Variants in FECH observed in about 807,000 individuals in gnomAD.
The protein encoded by FECH is ferrochelatase, also known as ferrochelatase, mitochondrial.
A neutral mutation model predicts 56.9 loss-of-function variants in FECH; 40 were observed. The observed-to-expected ratio is 0.70, with a 90% CI of 0.55 to 0.92. FECH has a LOEUF of 0.92. FECH is among the 40% of genes least tolerant of loss of function. The pLI is 0.00. For missense variants in FECH, 431 were observed against 529.1 expected, an observed-to-expected ratio of 0.81 and a Z score of 1.82; for synonymous variants, 175 against 198.6, an observed-to-expected ratio of 0.88 and a Z score of 1.00.
intron 7 of FECH, among the ~76,000 whole-genome samples, chr18:57,558,648 G>T (rs2050898307): frequency 6.6e-6 from 1 of 152,170 alleles, no homozygotes. Context: ...AGCTGGGTGT[G>T]GTGGCTCACA....
chr18:57,554,529 G>A, intron 8 of FECH, 105 bp from the exon 9 acceptor site: 1 of 1,214,986 alleles, frequency 8.2e-7, no homozygotes, highest in East Asian at 2.3e-5. Flanking sequence ...GCGGGCAAGA[G>A]CCACTCTTTA....
Position 57,547,627 on chromosome 18 carries a change from A to ATT in FECH, c.*3083_*3084dup, listed in dbSNP as rs1221857351. Among the ~76,000 whole-genome samples, 1 of 151,784 alleles carries ATT rather than the reference A, an allele frequency of 6.6e-6. No homozygotes were observed. The highest frequency in any genetic ancestry group is 1.9e-4 in the East Asian group (1 of 5,150). On this transcript the variant is annotated 3_prime_UTR_variant, in exon 11 of 11. Transcript: ENST00000262093. ...CCTTTGTAAATGACCCAGTCTCTGT[A>ATT]TTTCTTTTCTTTTTTTTGGTTTTGG...
chr18:57,577,664 T>TAC (rs2051202554), intron 2 of FECH, among the ~76,000 whole-genome samples: 2 of 150,590 alleles, frequency 1.3e-5, no homozygotes, highest in Admixed American at 1.3e-4. Flanking sequence ...CAAGTATTTA[T>TAC]GATGATAAAG....
intron 2 of FECH, among the ~76,000 whole-genome samples, chr18:57,574,131 A>G (rs111676085): frequency 8.5e-5 from 13 of 152,220 alleles, no homozygotes; most frequent in African/African-American, 2.2e-4. Context: ...CGGCCTCCCA[A>G]GTAGCTGGGA....
intron 7 of FECH, among the ~76,000 whole-genome samples, chr18:57,556,108 G>A (rs2050864186): frequency 6.6e-6 from 1 of 152,168 alleles, no homozygotes. Flanking sequence ...CAGCCTGGGT[G>A]ACAGAGCAAG....
chr18:57,573,716 G>A (rs1318161553), intron 2 of FECH, among the ~76,000 whole-genome samples: 4 of 152,308 alleles, frequency 2.6e-5, no homozygotes, highest in South Asian at 2.1e-4. Context: ...ACCTGTACAT[G>A]TGAGTACCAT....
In FECH at chr18:57,576,066, T is replaced by C. The variant is rs1192465166; in HGVS notation, c.195-2701A>G. On this transcript the variant is annotated intron_variant, in intron 2 of 10. Transcript: ENST00000262093. ...TTTGGGGCTGGAGAGTCCTTTGTTG[T>C]AGAGGACGGCCCTGTGCAATGCAGG... 2.0e-5 allele frequency among the ~76,000 whole-genome samples: 3 copies of C among 152,192 alleles called. No homozygotes were observed. The South Asian group carries it at 6.2e-4, about 31-fold the overall frequency.
rs1315368459 is a variant in FECH, at chr18:57,548,968, A to C, written c.*1744T>G. On this transcript the variant is annotated 3_prime_UTR_variant, in exon 11 of 11. Transcript: ENST00000262093. The stretch of plus-strand genomic sequence containing the variant: ...ATCCTTAAGGGGAGAGAGTGGCTCC[A>C]AAAATAACCTTCCTTCCAGCACCAC... The C allele has an allele frequency of 6.6e-6, 1 of 152,154 alleles. No individual in the cohort carries two copies. The highest frequency in any genetic ancestry group is 2.4e-5 in the African/African-American group (1 of 41,426). The allele number at this position is 152,154 out of a possible 1,614,324, so 9.4% of individuals were successfully genotyped here. A position where few individuals can be genotyped will look rare whatever the true frequency, so the allele number is the denominator to read the frequency against.
In FECH at chr18:57,546,983, G is replaced by A. The variant is rs2050729110; in HGVS notation, c.*3729C>T. ...TCAAAAAAAAAAAAAAAAAATTTAA[G>A]GAGTGCCCTGCCGGGTTTCAGACTT... On this transcript the variant is annotated 3_prime_UTR_variant, in exon 11 of 11. Coordinates refer to ENST00000262093, the MANE Select transcript of FECH (RefSeq NM_000140.5). Among the ~76,000 whole-genome samples, 1 of 149,840 alleles carries A rather than the reference G, an allele frequency of 6.7e-6. No homozygotes were observed. The highest frequency in any genetic ancestry group is 6.6e-5 in the Admixed American group (1 of 15,068).
At chr18:57,580,325 G>T in intron 1 of FECH, 126 bp from the exon 2 acceptor site, 1 of 1,268,350 alleles carries the variant, frequency 7.9e-7, no homozygotes, top group Non-Finnish European at 1.1e-6. Flanking sequence ...GATTTTCCTA[G>T]CATTTCTCTG....
rs536613070 is a variant in FECH, at chr18:57,564,826, G to A, written c.598+1621C>T. ...AGCTACATTAGCTCTTTCAGGTTGT[G>A]TGGAAACATTCAACAAACAACCCAA... On this transcript the variant is annotated intron_variant, in intron 5 of 10. Coordinates refer to ENST00000262093, the MANE Select transcript of FECH (RefSeq NM_000140.5). Among the ~76,000 whole-genome samples the A allele has an allele frequency of 5.9e-5, 9 of 152,336 alleles. No individual in the cohort carries two copies. The South Asian group carries it at 1.9e-3, about 32-fold the overall frequency.
rs1327813679 is a variant in FECH at position 57,566,455 on chromosome 18, G to A, written c.590C>T (p.Ser197Phe). 2 of 1,614,170 alleles carry A rather than the reference G, an allele frequency of 1.2e-6. No homozygotes were observed. The highest frequency in any genetic ancestry group is 1.7e-5 in the Admixed American group (1 of 60,026). The part of the protein sequence containing the change: ...AFTQYPQYSC[S>F]TTGSSLNAIY... ...CAGAGAGATGCCCTTACCTGTGGTGGAGCAGCTGTACTGTGGATACTGTGT... is the reference window on the plus strand; with the variant it reads ...CAGAGAGATGCCCTTACCTGTGGTGAAGCAGCTGTACTGTGGATACTGTGT... Residue 197 changes from serine to phenylalanine, a missense_variant, in exon 5 of 11, where the codon TCC becomes TTC. Physicochemically the swap from Ser to Phe is radical, Grantham distance 155. Coordinates refer to ENST00000262093, the MANE Select transcript of FECH (RefSeq NM_000140.5).
rs1488861602 is a variant in FECH, at chr18:57,545,238, C to G, written c.*5474G>C. ...TACCCAAGGGCTTATAACAAAGGCTCAAAGCAGGCTTTTTTCCAAAAATGT... is the reference window on the plus strand; with the variant it reads ...TACCCAAGGGCTTATAACAAAGGCTGAAAGCAGGCTTTTTTCCAAAAATGT... On this transcript the variant is annotated 3_prime_UTR_variant, in exon 11 of 11. Transcript: ENST00000262093. 2.0e-5 allele frequency among the ~76,000 whole-genome samples: 3 copies of G among 152,186 alleles called. No individual in the cohort carries two copies. Among genetic ancestry groups the G allele is most frequent in the Non-Finnish European group, 4.4e-5 (3 of 68,028 alleles).
chr18:57,580,659 G>A (rs141502865), intron 1 of FECH, among the ~76,000 whole-genome samples: 21 of 152,094 alleles, frequency 1.4e-4, no homozygotes, highest in African/African-American at 4.1e-4. Flanking sequence ...GAAAGCACTC[G>A]TGCTGAGAAC....
chr18:57,558,248 C>T (rs117072015), intron 7 of FECH, among the ~76,000 whole-genome samples: 2,783 of 152,330 alleles, frequency 0.018, 43 homozygotes, highest in East Asian at 0.091. Flanking sequence ...TTGCTTATTC[C>T]AAGCGCTTCT....
intron 5 of FECH, among the ~76,000 whole-genome samples, chr18:57,564,429 A>C (rs1229854745): frequency 1.7e-4 from 26 of 152,218 alleles, no homozygotes; most frequent in Admixed American, 1.7e-3. Context: ...TATGAAACCA[A>C]GTCTAACACA....
In FECH at chr18:57,549,816, A is replaced by G. The variant is rs1216580400; in HGVS notation, c.*896T>C. The G allele has an allele frequency of 1.3e-5, 2 of 152,248 alleles. No individual in the cohort carries two copies. The highest frequency in any genetic ancestry group is 4.8e-5 in the African/African-American group (2 of 41,458). The allele number at this position is 152,248 out of a possible 1,614,324, so 9.4% of individuals were successfully genotyped here. On this transcript the variant is annotated 3_prime_UTR_variant, in exon 11 of 11. Transcript: ENST00000262093. ...ATTCAAGCAAAGTATTGTTGACTTT[A>G]TAAAATAATTCTTAAAACAAATGTT...
chr18:57,550,576 C>G lies in FECH; in HGVS notation c.*136G>C, dbSNP rs886053995. The G allele has an allele frequency of 1.8e-6, 2 of 1,088,694 alleles. No individual in the cohort carries two copies. Among genetic ancestry groups the G allele is most frequent in the Non-Finnish European group, 2.7e-6 (2 of 750,262 alleles). 67.4% of individuals were successfully genotyped at this position (1,088,694 alleles called of 1,614,324 possible). A position where few individuals can be genotyped will look rare whatever the true frequency, so the allele number is the denominator to read the frequency against. On this transcript the variant is annotated 3_prime_UTR_variant, in exon 11 of 11. Transcript: ENST00000262093. ...AGAGTCCAATCCTCAAGAAACCACACAATTTGTACCCAAAGGCTGTATATA... is the reference window on the plus strand; with the variant it reads ...AGAGTCCAATCCTCAAGAAACCACAGAATTTGTACCCAAAGGCTGTATATA...
chr18:57,586,660 G>T lies in FECH; in HGVS notation c.-40C>A. 1.3e-6 allele frequency: 2 copies of T among 1,484,592 alleles called. No individual in the cohort carries two copies. The highest frequency in any genetic ancestry group is 2.5e-5 in the South Asian group (2 of 79,500). The allele number at this position is 1,484,592 out of a possible 1,614,324, so 92.0% of individuals were successfully genotyped here. ...CGGCCCGAGTCCGGGCTCCTCCCGC[G>T]GCGGCGCGCCCAGGTGTCCGCCCAG... On this transcript the variant is annotated 5_prime_UTR_variant, in exon 1 of 11. Transcript: ENST00000262093.
Sources: allele counts gnomAD v4.1 joint callset (sites outside exome capture counted in the v4.1 genomes callset), GRCh38; gene constraint gnomAD v4.1.1; transcripts MANE v1.5; gene names NCBI Gene and HGNC (gene_info 2026-07-23, HGNC 2026-07-21).